PUDP: variants seen among roughly 807,000 people sequenced by gnomAD.
PUDP encodes the protein pseudouridine 5'-phosphatase, also known as pseudouridine-5'-phosphatase.
PUDP carries 8 observed loss-of-function variants against 9.4 expected under a neutral mutation model. The observed-to-expected ratio is 0.85, with a 90% confidence interval of 0.50 to 1.53. The LOEUF is 1.53. Ranked by LOEUF, PUDP falls within the 40% of genes most tolerant of loss-of-function variation. The probability of loss-of-function intolerance (pLI) is 0.00; values close to 1 mark genes in which losing one functional copy is unlikely to be tolerated. For missense variants in PUDP, 188 were observed against 189.7 expected (o/e 0.99, Z 0.05); for synonymous variants, 99 against 80.7 (o/e 1.23, Z -1.22).
intron 3 of PUDP, among the ~76,000 whole-genome samples, chrX:6,914,617 T>A (rs1271584168): frequency 8.9e-6 from 1 of 112,083 alleles, no homozygotes; most frequent in Non-Finnish European, 1.9e-5. Context: ...CGTCTAGAAA[T>A]AGGCACGCTG....
At chrX:6,813,627 G>A (rs996745510) in intron 3 of PUDP, among the ~76,000 whole-genome samples, 2 of 111,334 alleles carry the variant, frequency 1.8e-5, no homozygotes, top group Non-Finnish European at 3.8e-5. Context: ...ACTAATGCCC[G>A]AATCTCCTGC....
intron 1 of PUDP, among the ~76,000 whole-genome samples, chrX:7,143,212 T>C (rs904510615): frequency 9.0e-6 from 1 of 111,234 alleles, no homozygotes; most frequent in Admixed American, 9.5e-5. Context: ...ATTGTACACC[T>C]AATAGAATAC....
chrX:6,799,433 AG>A (rs1234842141), intron 3 of PUDP, among the ~76,000 whole-genome samples: 1 of 112,184 alleles, frequency 8.9e-6, no homozygotes, highest in African/African-American at 3.2e-5. Flanking sequence ...CACAGTTTGG[AG>A]GGCTTTAAAA....
intron 3 of PUDP, among the ~76,000 whole-genome samples, chrX:6,895,884 TCTCA>T (rs1927583738): frequency 9.0e-6 from 1 of 110,731 alleles, no homozygotes; most frequent in Non-Finnish European, 1.9e-5. Context: ...GACGGCGCCT[TCTCA>T]CTATGTCCTC....
chrX:6,815,716 T>A (rs988664027), intron 3 of PUDP, among the ~76,000 whole-genome samples: 3 of 110,260 alleles, frequency 2.7e-5, no homozygotes, highest in Non-Finnish European at 1.9e-5. Context: ...GAGATGGCCA[T>A]TTGGTCTCTG....
chrX:6,706,971 C>T (rs745314662), intron 1 of PUDP, among the ~76,000 whole-genome samples: 10 of 111,467 alleles, frequency 9.0e-5, no homozygotes. Flanking sequence ...GCGTTCAAGT[C>T]TAGGTGCTTC....
At chrX:6,892,572 A>C (rs1927531894) in intron 3 of PUDP, among the ~76,000 whole-genome samples, 1 of 110,441 alleles carries the variant, frequency 9.1e-6, no homozygotes, top group Non-Finnish European at 1.9e-5. Flanking sequence ...TGATTCAGTT[A>C]CCTCCCACCA....
chrX:6,766,663 A>G (rs754759854), intron 3 of PUDP, among the ~76,000 whole-genome samples: 1 of 111,938 alleles, frequency 8.9e-6, no homozygotes, highest in Non-Finnish European at 1.9e-5. Flanking sequence ...CAACCAAGAT[A>G]CTGTAATTGA....
downstream of PUDP, among the ~76,000 whole-genome samples, chrX:7,046,898 G>GA (rs1929989846): frequency 8.9e-6 from 1 of 111,944 alleles, no homozygotes; most frequent in Non-Finnish European, 1.9e-5. Flanking sequence ...ATATTTTCAT[G>GA]AAAAAAATTC....
Position 6,861,371 on chromosome X carries a change from G to A in PUDP, c.*247+115762C>T, listed in dbSNP as rs188042103. 3.1e-3 allele frequency among the ~76,000 whole-genome samples: 346 copies of A among 111,655 alleles called. 1 individual carries two copies. The highest frequency in any genetic ancestry group is 5.6e-3 in the Non-Finnish European group (297 of 53,113). ...GAGGCTTTCTAATACATATATTAAA[G>A]GGAGGTTTTTAACTGTGTATGGGAC... On this transcript the variant is annotated intron_variant and NMD_transcript_variant, in intron 3 of 3. Transcript: ENST00000655425.
At chrX:7,018,629 C>T (rs1421018122) in intron 1 of PUDP, among the ~76,000 whole-genome samples, 1 of 112,540 alleles carries the variant, frequency 8.9e-6, no homozygotes. Flanking sequence ...AGAGTGTGGT[C>T]TTCTCCTTTG....
intron 1 of PUDP, among the ~76,000 whole-genome samples, chrX:6,709,822 G>A (rs1282119551): frequency 8.9e-6 from 1 of 112,029 alleles, no homozygotes; most frequent in African/African-American, 3.2e-5. Context: ...GAAACTGGAC[G>A]TTTTAAAAAC....
At chrX:7,137,168 G>A (rs1483115930) in intron 1 of PUDP, among the ~76,000 whole-genome samples, 1 of 107,664 alleles carries the variant, frequency 9.3e-6, no homozygotes, top group Admixed American at 1.0e-4. Flanking sequence ...TTGAACCCGG[G>A]AGGTGGAGAT....
intron 3 of PUDP, among the ~76,000 whole-genome samples, chrX:6,874,244 C>T (rs1462598675): frequency 1.8e-5 from 2 of 111,621 alleles, no homozygotes; most frequent in Non-Finnish European, 3.8e-5. Context: ...CATTCTATTA[C>T]AGATTACAAA....
intron 3 of PUDP, among the ~76,000 whole-genome samples, chrX:6,829,104 T>C (rs1296154625): frequency 9.0e-6 from 1 of 111,150 alleles, no homozygotes; most frequent in Non-Finnish European, 1.9e-5. Context: ...AGGAGCCATC[T>C]ATGAACCAGG....
At chrX:7,079,458 A>G in intron 2 of PUDP, among the ~76,000 whole-genome samples, 1 of 112,715 alleles carries the variant, frequency 8.9e-6, no homozygotes, top group Non-Finnish European at 1.9e-5. Flanking sequence ...ACCACTGTCA[A>G]GCAACCTGAC....
chrX:7,042,841 T>C (rs952866969), intron 1 of PUDP, among the ~76,000 whole-genome samples: 5 of 112,005 alleles, frequency 4.5e-5, no homozygotes, highest in African/African-American at 6.5e-5. Context: ...CGTTCTGTCA[T>C]TGACTCTGTT....
At chrX:6,743,770 C>T (rs375543594) in intron 3 of PUDP, among the ~76,000 whole-genome samples, 14 of 111,724 alleles carry the variant, frequency 1.3e-4, no homozygotes, top group Admixed American at 9.5e-4. Context: ...CATGACAGGG[C>T]GCCAGCAAAG....
At chrX:6,916,249 C>CA (rs1440821475) in intron 3 of PUDP, among the ~76,000 whole-genome samples, 2 of 96,556 alleles carry the variant, frequency 2.1e-5, no homozygotes, top group East Asian at 3.2e-4. Flanking sequence ...CACACACACA[C>CA]CCTGGGGAAC....
Sources: gnomAD v4.1 joint callset for allele counts (sites outside exome capture counted in the v4.1 genomes callset) on GRCh38, gnomAD v4.1.1 for gene constraint, MANE v1.5 for transcripts, NCBI Gene and HGNC (gene_info 2026-07-23, HGNC 2026-07-21) for gene names.